SUPT16H: variants seen among roughly 807,000 people sequenced by gnomAD.
SUPT16H encodes SPT16 homolog, facilitates chromatin remodeling subunit.
Under a neutral mutation model 136.2 loss-of-function variants are expected in SUPT16H, and 24 were observed. The observed-to-expected ratio is 0.18, with a 90% CI of 0.13 to 0.25. The LOEUF (loss-of-function observed/expected upper bound fraction) is 0.25. SUPT16H is among the 10% of genes least tolerant of loss of function. The pLI is 1.00. For missense variants in SUPT16H, 623 were observed against 1,270.2 expected (o/e 0.49, Z 7.74); for synonymous variants, 415 against 428.2 (o/e 0.97, Z 0.38).
chr14:21,361,326 T>G (rs1886549358), intron 15 of SUPT16H, 113 bp from the exon 16 acceptor site: 1 of 1,338,436 alleles, frequency 7.5e-7, no homozygotes, highest in African/African-American at 1.5e-5. Context: ...TTTTTTTTTT[T>G]TTTTTTTTGA....
At chr14:21,373,197 C>G in intron 2 of SUPT16H, 141 bp downstream of exon 2, 1 of 658,862 alleles carries the variant, frequency 1.5e-6, no homozygotes, top group Non-Finnish European at 2.7e-6. Flanking sequence ...CCACCTGCCT[C>G]GGCCTCCCAA....
At chr14:21,366,306 G>A (rs779244470) in intron 8 of SUPT16H, 133 bp downstream of exon 8, 38 of 799,832 alleles carry the variant, frequency 4.8e-5, no homozygotes, top group Non-Finnish European at 7.2e-5. Flanking sequence ...AACATCATGT[G>A]CCTGGCACAT....
At chr14:21,383,486 T>C in intron 1 of SUPT16H, 1 of 582,446 alleles carries the variant, frequency 1.7e-6, no homozygotes, top group Non-Finnish European at 3.1e-6. Context: ...AGGGGTGGAA[T>C]ATTGTGGTTC....
chr14:21,370,477 A>G lies in SUPT16H; in HGVS notation c.342T>C (p.Asn114=). The stretch of plus-strand genomic sequence containing the variant: ...CAATCATTTTGTCAAAGCTACTCTT[A>G]TTACTTTCATTCTGTCAGTGTCATA... ...TLLIREKNES[N]KSSFDKMIEA... Residue 114 remains asparagine (N), a synonymous_variant, in exon 4 of 26, where the codon AAT becomes AAC. Transcript: ENST00000216297. 3 of 1,613,928 alleles carry G rather than the reference A, an allele frequency of 1.9e-6. No individual in the cohort carries two copies. Among genetic ancestry groups the G allele is most frequent in the South Asian group, 1.1e-5 (1 of 91,050 alleles).
Position 21,358,436 on chromosome 14 carries a change from G to GA in SUPT16H, c.2302-10dup. 6.3e-7 allele frequency: 1 copy of GA among 1,587,384 alleles called. No individual in the cohort carries two copies. The highest frequency in any genetic ancestry group is 1.1e-5 in the South Asian group (1 of 89,266). On this transcript the variant is annotated splice_polypyrimidine_tract_variant and intron_variant, in intron 19 of 25. Transcript: ENST00000216297. ...CTCATTTCTCGTTCCATCTGTAGAAGAAAAAAATATCAAATACAGCCATCA... is the reference window on the plus strand; with the variant it reads ...CTCATTTCTCGTTCCATCTGTAGAAGAAAAAAAATATCAAATACAGCCATCA...
At position 21,370,464 on chromosome 14, in the gene SUPT16H, C is replaced by G; in HGVS notation, c.355G>C (p.Asp119His). Reference protein sequence around the residue: ...EKNESNKSSFDKMIEAIKESK... With the variant: ...EKNESNKSSFHKMIEAIKESK... ...TCTTTAATGGCTTCAATCATTTTGTCAAAGCTACTCTTATTACTTTCATTC... is the reference window on the plus strand; with the variant it reads ...TCTTTAATGGCTTCAATCATTTTGTGAAAGCTACTCTTATTACTTTCATTC... The change falls in exon 4 of 26, where the codon GAC (aspartate) becomes CAC (histidine). Residue 119 changes from aspartate to histidine, a missense_variant. Physicochemically the swap from Asp to His is moderately conservative, Grantham distance 81 (BLOSUM62 -1). This residue lies in a region of SUPT16H where 343 missense variants were observed against 525.7 expected (regional missense o/e 0.65). Transcript: ENST00000216297. The G allele has an allele frequency of 6.2e-7, 1 of 1,614,026 alleles. No homozygotes were observed. The highest frequency in any genetic ancestry group is 1.3e-5 in the African/African-American group (1 of 75,010).
At chr14:21,369,056 T>TG in intron 6 of SUPT16H, 148 bp downstream of exon 6, 2 of 818,278 alleles carry the variant, frequency 2.4e-6, no homozygotes, top group Non-Finnish European at 3.7e-6. Context: ...ACCTGGGTGA[T>TG]GGACACCCAA....
Position 21,360,480 on chromosome 14 carries a change from T to C in SUPT16H, c.2110A>G (p.Ile704Val), listed in dbSNP as rs1886528396. Reference sequence around the variant, plus strand: ...CAGGGCTGGAACAAAGCATGCTTAATATTATTGTACAAAATATCCACTTTG... The same window carrying C: ...CAGGGCTGGAACAAAGCATGCTTAACATTATTGTACAAAATATCCACTTTG... The part of the protein sequence containing the change: ...GDKVDILYNN[I>V]KHALFQPCDG... Residue 704 changes from isoleucine (I) to valine (V), a missense_variant, in exon 18 of 26, where the codon ATT becomes GTT. Physicochemically the swap from Ile to Val is conservative, Grantham distance 29. Coordinates refer to ENST00000216297, the MANE Select transcript of SUPT16H (RefSeq NM_007192.4). 1.2e-6 allele frequency: 2 copies of C among 1,614,118 alleles called. No homozygotes were observed. The highest frequency in any genetic ancestry group is 1.7e-6 in the Non-Finnish European group (2 of 1,180,004).
At chr14:21,357,392 G>C in intron 21 of SUPT16H, 26 bp from the exon 22 acceptor site, 1 of 1,534,048 alleles carries the variant, frequency 6.5e-7, no homozygotes, top group East Asian at 2.4e-5. Context: ...TGAATCATTA[G>C]CATATAAGTA....
chr14:21,378,270 A>G (rs1290934497), intron 1 of SUPT16H, among the ~76,000 whole-genome samples: 1 of 152,176 alleles, frequency 6.6e-6, no homozygotes, highest in African/African-American at 2.4e-5. Context: ...TAATAGATTT[A>G]TTGGAAAAAA....
At chr14:21,358,972 T>G (rs1164449978) in intron 19 of SUPT16H, among the ~76,000 whole-genome samples, 1 of 151,838 alleles carries the variant, frequency 6.6e-6, no homozygotes, top group African/African-American at 2.4e-5. Context: ...ACCCGGCTAA[T>G]TTTTTTGTAT....
intron 1 of SUPT16H, chr14:21,383,559 G>A (rs1019804473): frequency 1.5e-6 from 1 of 686,220 alleles, no homozygotes; most frequent in South Asian, 1.5e-5. Context: ...TGACCACGGA[G>A]TAGGAGGGAA....
At chr14:21,364,683 A>G (rs374643581) in intron 10 of SUPT16H, 144 bp downstream of exon 10, 296 of 650,512 alleles carry the variant, frequency 4.6e-4, no homozygotes, top group Admixed American at 6.2e-4. Context: ...TACAGTCTCT[A>G]TTCCTAGCTG....
At chr14:21,369,462 A>T in intron 5 of SUPT16H, 107 bp from the exon 6 acceptor site, 1 of 1,439,384 alleles carries the variant, frequency 6.9e-7, no homozygotes, top group Non-Finnish European at 9.5e-7. Flanking sequence ...AAGTCTTAGG[A>T]AATGATTTAT....
intron 1 of SUPT16H, among the ~76,000 whole-genome samples, chr14:21,375,656 C>T (rs541789953): frequency 4.6e-5 from 7 of 152,304 alleles, no homozygotes; most frequent in East Asian, 1.9e-4. Flanking sequence ...TGCAGTGGCA[C>T]GATCTCGGCT....
In SUPT16H at chr14:21,360,828, A is replaced by C. The variant is rs572960836; in HGVS notation, c.2056+18T>G. ...TGCCCTGAAGAGAAAGCCTAGGTAC[A>C]GGAGAGATCATCCATACCATTGACA... On this transcript the variant is annotated intron_variant, in intron 17 of 25. Transcript: ENST00000216297. 8.1e-6 allele frequency: 13 copies of C among 1,610,892 alleles called. No individual in the cohort carries two copies. The East Asian group carries it at 1.1e-4, about 14-fold the overall frequency.
chr14:21,364,937 T>C lies in SUPT16H; in HGVS notation c.1123A>G (p.Met375Val). 1 of 1,614,056 alleles carries C rather than the reference T, an allele frequency of 6.2e-7. No homozygotes were observed. The part of the protein sequence containing the change: ...SKNQYKLKKG[M>V]VFSINLGFSD... ...AATCCTAAATTGATGCTGAAAACCATTCCTAAAACAGCAAAACAAGGATCA... is the reference window on the plus strand; with the variant it reads ...AATCCTAAATTGATGCTGAAAACCACTCCTAAAACAGCAAAACAAGGATCA... The change falls in exon 10 of 26, where the codon ATG becomes GTG. Residue 375 changes from methionine (M) to valine (V), a missense_variant and splice_region_variant. Physicochemically the swap from Met to Val is conservative, Grantham distance 21. Transcript: ENST00000216297.
Position 21,366,491 on chromosome 14 carries a change from C to G in SUPT16H, c.994G>C (p.Val332Leu). 1 of 1,614,108 alleles carries G rather than the reference C, an allele frequency of 6.2e-7. No individual in the cohort carries two copies. Among genetic ancestry groups the G allele is most frequent in the South Asian group, 1.1e-5 (1 of 91,066 alleles). The change falls in exon 8 of 26, where the codon GTG becomes CTG. Residue 332 changes from valine (V) to leucine (L), a missense_variant. By Grantham distance (32) the Val-to-Leu change is conservative. Around this residue, in one of 7 missense-constraint regions of SUPT16H, gnomAD observed 343 missense variants for 525.7 expected, o/e 0.65. Transcript: ENST00000216297. ...ICDVYNAVMDVVKKQKPELLN... is the reference protein window; with the variant it reads ...ICDVYNAVMDLVKKQKPELLN... ...AGTTCTGGCTTCTGCTTTTTAACCA[C>G]GTCCATGACAGCGTTATACACGTCA...
intron 19 of SUPT16H, 68 bp downstream of exon 19, chr14:21,359,416 T>C (rs1418677954): frequency 6.3e-7 from 1 of 1,577,934 alleles, no homozygotes; most frequent in Non-Finnish European, 8.6e-7. Context: ...TAAAATACAA[T>C]CCCTGAGCTT....
Sources: allele counts gnomAD v4.1 joint callset (sites outside exome capture counted in the v4.1 genomes callset), GRCh38; gene constraint gnomAD v4.1.1; regional missense constraint gnomAD v4.1.1; transcripts MANE v1.5; gene names NCBI Gene and HGNC (gene_info 2026-07-23, HGNC 2026-07-21).